The following MAP2K6 variants were observed in gnomAD, a reference collection of about 807,000 sequenced individuals.
MAP2K6 encodes the protein mitogen-activated protein kinase kinase 6, also known as dual specificity mitogen-activated protein kinase kinase 6.
In MAP2K6, 16 loss-of-function variants were observed where a neutral mutation model predicts 53.7. The ratio of observed to expected loss-of-function variants is 0.30; its 90% CI spans 0.20 to 0.45. The LOEUF (loss-of-function observed/expected upper bound fraction) is 0.45. Ranked by LOEUF, MAP2K6 falls within the 20% of genes least tolerant of loss-of-function variation. The pLI, the probability that MAP2K6 is intolerant of heterozygous loss-of-function variation, is 1.00. For synonymous variants in MAP2K6, 132 were observed against 143.1 expected (o/e 0.92, Z 0.55); for missense variants, 204 against 411.9 (o/e 0.50, Z 4.37).
intron 1 of MAP2K6, among the ~76,000 whole-genome samples, chr17:69,459,136 C>T (rs545252014): frequency 2.0e-5 from 3 of 152,186 alleles, no homozygotes; most frequent in Admixed American, 6.5e-5. Flanking sequence ...TACTTAAAAA[C>T]GTGTTTTACA....
At chr17:69,481,537 AG>A (rs1908351842) in intron 1 of MAP2K6, among the ~76,000 whole-genome samples, 2 of 152,180 alleles carry the variant, frequency 1.3e-5, no homozygotes, top group Non-Finnish European at 2.9e-5. Flanking sequence ...CCCTAGACTG[AG>A]TGACTTAAAT....
At chr17:69,521,014 G>A (rs910490285) in intron 6 of MAP2K6, 35 bp from the exon 7 acceptor site, 1 of 1,515,382 alleles carries the variant, frequency 6.6e-7, no homozygotes, top group Non-Finnish European at 9.1e-7. Flanking sequence ...TTCCAGCAAT[G>A]TGATAAATAA....
chr17:69,539,205 C>G (rs1417731282), intron 11 of MAP2K6, among the ~76,000 whole-genome samples: 4 of 152,192 alleles, frequency 2.6e-5, no homozygotes, highest in Non-Finnish European at 5.9e-5. Flanking sequence ...GTGCATGGGA[C>G]AGGGAGACCT....
At chr17:69,521,165 G>T (rs540472624) in intron 7 of MAP2K6, 65 bp downstream of exon 7, 2 of 1,444,778 alleles carry the variant, frequency 1.4e-6, no homozygotes, top group East Asian at 2.3e-5. Flanking sequence ...CCTGGAGTCC[G>T]TCTCTACCCC....
intron 1 of MAP2K6, among the ~76,000 whole-genome samples, chr17:69,421,544 GT>G (rs1230000400): frequency 4.1e-4 from 58 of 141,384 alleles, no homozygotes; most frequent in Non-Finnish European, 5.0e-4. Context: ...GTTGTTTTTT[GT>G]TTTTTTTTTT....
intron 2 of MAP2K6, among the ~76,000 whole-genome samples, chr17:69,512,864 C>A (rs574031690): frequency 6.6e-6 from 1 of 151,976 alleles, no homozygotes; most frequent in African/African-American, 2.4e-5. Flanking sequence ...ATAGTGATTG[C>A]GATAGTAACC....
chr17:69,429,184 C>T (rs1471955294), intron 1 of MAP2K6, among the ~76,000 whole-genome samples: 1 of 151,650 alleles, frequency 6.6e-6, no homozygotes, highest in Non-Finnish European at 1.5e-5. Flanking sequence ...TGCCTGTAAA[C>T]CCCAGTCAGG....
At chr17:69,519,474 T>C in intron 5 of MAP2K6, 42 bp downstream of exon 5, 1 of 1,610,264 alleles carries the variant, frequency 6.2e-7, no homozygotes, top group South Asian at 1.1e-5. Flanking sequence ...GAACAATAAC[T>C]TAAAAAGAAG....
Position 69,546,499 on chromosome 17 carries a change from CT to C in MAP2K6, c.*4749del, listed in dbSNP as rs1179730430. 6.6e-6 allele frequency: 1 copy of C among 152,032 alleles called. No homozygotes were observed. Among genetic ancestry groups the C allele is most frequent in the African/African-American group, 2.4e-5 (1 of 41,384 alleles). 9.4% of individuals were successfully genotyped at this position (152,032 alleles called of 1,614,324 possible). On this transcript the variant is annotated 3_prime_UTR_variant, in exon 12 of 12. Transcript: ENST00000590474. ...TAAAATGTCTTTGTTGACCAAGGGG[CT>C]TTATTAATTATGCTCAGAGAAACAA...
intron 1 of MAP2K6, among the ~76,000 whole-genome samples, chr17:69,442,336 C>T (rs997055633): frequency 4.6e-5 from 7 of 152,102 alleles, no homozygotes; most frequent in African/African-American, 1.2e-4. Context: ...ATGATGGCAA[C>T]TTCCAGATCT....
intron 1 of MAP2K6, among the ~76,000 whole-genome samples, chr17:69,449,004 A>G (rs1176133113): frequency 6.6e-6 from 1 of 152,210 alleles, no homozygotes; most frequent in Admixed American, 6.5e-5. Context: ...CCCGGGTTAC[A>G]GTCTTTGAAA....
Position 69,457,150 on chromosome 17 carries a change from A to G in MAP2K6, c.16+42150A>G, listed in dbSNP as rs560159169. 1.9e-3 allele frequency among the ~76,000 whole-genome samples: 291 copies of G among 152,340 alleles called. 1 individual carries two copies. Among genetic ancestry groups the G allele is most frequent in the Non-Finnish European group, 3.3e-3 (225 of 68,028 alleles). On this transcript the variant is annotated intron_variant, in intron 1 of 11. Coordinates refer to ENST00000590474, the MANE Select transcript of MAP2K6 (RefSeq NM_002758.4). ...CCCAGAGAGACTTCAGCATCTCTCT[A>G]CAATGGTGGTTTCTTCTGTTGAAGG...
intron 1 of MAP2K6, among the ~76,000 whole-genome samples, chr17:69,470,402 C>G (rs1426832853): frequency 6.6e-6 from 1 of 152,064 alleles, no homozygotes. Flanking sequence ...GCCCTGGAAT[C>G]CTTCATCCAG....
chr17:69,512,357 T>A (rs1909889902), intron 2 of MAP2K6, among the ~76,000 whole-genome samples: 1 of 137,378 alleles, frequency 7.3e-6, no homozygotes, highest in Admixed American at 7.4e-5. Flanking sequence ...TTTTTTTTTT[T>A]GAGACAGAGT....
chr17:69,521,806 C>CAAAAAAAAAAA (rs71293537), intron 7 of MAP2K6: 2 of 79,340 alleles, frequency 2.5e-5, no homozygotes, highest in African/African-American at 9.4e-5. Context: ...GATAAATGTA[C>CAAAAAAAAAAA]AAAAAAAAAA....
At chr17:69,455,294 G>A (rs1401267202) in intron 1 of MAP2K6, among the ~76,000 whole-genome samples, 1 of 152,126 alleles carries the variant, frequency 6.6e-6, no homozygotes, top group Non-Finnish European at 1.5e-5. Context: ...GATTTATACT[G>A]TTCCAGGGCT....
At chr17:69,428,071 G>A (rs1906329560) in intron 1 of MAP2K6, among the ~76,000 whole-genome samples, 1 of 152,124 alleles carries the variant, frequency 6.6e-6, no homozygotes, top group Admixed American at 6.6e-5. Context: ...TAAATTATCT[G>A]TACCTCACTC....
rs1912026567 is a variant in MAP2K6 at position 69,549,938 on chromosome 17, T to A, written c.*8185T>A. 6.6e-6 allele frequency: 1 copy of A among 152,038 alleles called. No individual in the cohort carries two copies. Among genetic ancestry groups the A allele is most frequent in the Non-Finnish European group, 1.5e-5 (1 of 67,998 alleles). The allele number at this position is 152,038 out of a possible 1,614,324, so 9.4% of individuals were successfully genotyped here. ...GATAAATGCAAAGGTTGGTGCTAAA[T>A]TAGGAACCCCTTGAAGGAGCAAGCT... On this transcript the variant is annotated 3_prime_UTR_variant, in exon 12 of 12. Coordinates refer to ENST00000590474, the MANE Select transcript of MAP2K6 (RefSeq NM_002758.4).
rs1049420770 is a variant in MAP2K6 at position 69,453,042 on chromosome 17, C to T, written c.16+38042C>T. 5.3e-5 allele frequency among the ~76,000 whole-genome samples: 8 copies of T among 152,112 alleles called. 1 individual carries two copies. In the South Asian group the frequency reaches 6.2e-4, roughly 12 times the overall value. ...AGCTAAGAAGCCAACACCATTTAAG[C>T]GTTGGGACGAAGTGACTCATGGAGA... is the stretch of plus-strand genomic sequence containing the variant. On this transcript the variant is annotated intron_variant, in intron 1 of 11. Transcript: ENST00000590474.
Sources: allele counts gnomAD v4.1 joint callset (sites outside exome capture counted in the v4.1 genomes callset), GRCh38; gene constraint gnomAD v4.1.1; transcripts MANE v1.5; gene names NCBI Gene and HGNC (gene_info 2026-07-23, HGNC 2026-07-21).